The following CDH4 variants were observed in gnomAD, a reference collection of about 807,000 sequenced individuals.
The protein encoded by CDH4 is cadherin-4.
CDH4 carries 33 observed loss-of-function variants against 86.0 expected under a neutral mutation model. That is an observed-to-expected ratio of 0.38 (90% CI 0.29 to 0.51). CDH4 has a LOEUF of 0.51. Ranked by LOEUF, CDH4 falls within the 20% of genes least tolerant of loss-of-function variation. The probability of loss-of-function intolerance (pLI) is 0.86; values close to 1 mark genes in which losing one functional copy is unlikely to be tolerated. For synonymous variants in CDH4, 555 were observed against 549.4 expected, an observed-to-expected ratio of 1.01 and a Z score of -0.14; for missense variants, 1,114 against 1,307.4, an observed-to-expected ratio of 0.85 and a Z score of 2.28.
intron 2 of CDH4, among the ~76,000 whole-genome samples, chr20:61,732,990 C>T (rs1447190012): frequency 6.6e-6 from 1 of 152,142 alleles, no homozygotes; most frequent in Admixed American, 6.5e-5. Context: ...GCCTAATTCT[C>T]CCCCTCTAGA....
intron 2 of CDH4, among the ~76,000 whole-genome samples, chr20:61,293,967 A>G (rs183978131): frequency 6.6e-6 from 1 of 151,660 alleles, no homozygotes; most frequent in Admixed American, 6.6e-5. Flanking sequence ...CTGGGGGGTC[A>G]GCATGGGGGT....
rs1458579719 is a variant in CDH4 at position 61,811,293 on chromosome 20, C to T, written c.577-33375C>T. 6.6e-6 allele frequency among the ~76,000 whole-genome samples: 1 copy of T among 152,206 alleles called. No individual in the cohort carries two copies. The highest frequency in any genetic ancestry group is 6.5e-5 in the Admixed American group (1 of 15,284). On this transcript the variant is annotated intron_variant, in intron 4 of 15. Coordinates refer to ENST00000614565, the MANE Select transcript of CDH4 (RefSeq NM_001794.5). The surrounding 1 kb of genome is among the most constrained non-coding windows in gnomAD (Gnocchi z 4.4). ...GGAGCTTTTCCTGAAAGCTGGGATCCACATGCCGGCAGCCCAAGACCGCCC... is the reference window on the plus strand; with the variant it reads ...GGAGCTTTTCCTGAAAGCTGGGATCTACATGCCGGCAGCCCAAGACCGCCC...
At chr20:61,420,289 G>A (rs554553525) in intron 2 of CDH4, among the ~76,000 whole-genome samples, 10 of 152,354 alleles carry the variant, frequency 6.6e-5, no homozygotes, top group Admixed American at 3.3e-4. Flanking sequence ...GCCTGGAAAG[G>A]GCTGAAAGAA....
chr20:61,609,675 C>T (rs557944280), intron 2 of CDH4, among the ~76,000 whole-genome samples: 1 of 152,328 alleles, frequency 6.6e-6, no homozygotes, highest in Non-Finnish European at 1.5e-5. Flanking sequence ...CAGGTGGCCA[C>T]GCTTGGTCAC....
At chr20:61,508,667 G>C (rs560804130) in intron 2 of CDH4, among the ~76,000 whole-genome samples, 32 of 152,366 alleles carry the variant, frequency 2.1e-4, no homozygotes, top group African/African-American at 6.7e-4. Context: ...CTGAAGGCAG[G>C]GCTGGCCTCA....
intron 2 of CDH4, among the ~76,000 whole-genome samples, chr20:61,538,375 A>T (rs6061623): frequency 4.0e-5 from 6 of 151,838 alleles, no homozygotes; most frequent in Non-Finnish European, 7.4e-5. Context: ...CATCAAGTCA[A>T]GAGGTTTACT....
At chr20:61,541,530 G>A (rs1322846959) in intron 2 of CDH4, among the ~76,000 whole-genome samples, 1 of 152,158 alleles carries the variant, frequency 6.6e-6, no homozygotes, top group Middle Eastern at 3.2e-3. Flanking sequence ...TCTAGAATTA[G>A]CCGATGTCAC....
intron 6 of CDH4, among the ~76,000 whole-genome samples, chr20:61,856,420 C>T (rs1357822244): frequency 6.8e-6 from 1 of 146,188 alleles, no homozygotes; most frequent in Non-Finnish European, 1.5e-5. Context: ...GCGTGCCCCC[C>T]ACACTCTTCC....
chr20:61,307,287 C>T (rs887618610), intron 2 of CDH4, among the ~76,000 whole-genome samples: 1 of 152,132 alleles, frequency 6.6e-6, no homozygotes, highest in Non-Finnish European at 1.5e-5. Context: ...CTCCAACACA[C>T]ATTGCATGTA....
At chr20:61,333,293 A>T (rs11086735) in intron 2 of CDH4, among the ~76,000 whole-genome samples, 1 of 151,758 alleles carries the variant, frequency 6.6e-6, no homozygotes, top group African/African-American at 2.4e-5. Flanking sequence ...ACACATGCAC[A>T]CACACCTGCA....
chr20:61,452,607 A>G (rs79868596), intron 2 of CDH4, among the ~76,000 whole-genome samples: 8,938 of 152,210 alleles, frequency 0.059, 696 homozygotes, highest in African/African-American at 0.18. Flanking sequence ...GAGTTTTGCT[A>G]TTTATTCAGT....
intron 2 of CDH4, among the ~76,000 whole-genome samples, chr20:61,513,256 C>T (rs140623885): frequency 1.4e-4 from 21 of 152,330 alleles, no homozygotes; most frequent in African/African-American, 3.8e-4. Context: ...CTCAGGCCCA[C>T]GGGCTGTGAT....
chr20:61,525,510 G>C (rs1195213939), intron 2 of CDH4, among the ~76,000 whole-genome samples: 1 of 152,162 alleles, frequency 6.6e-6, no homozygotes, highest in Non-Finnish European at 1.5e-5. Flanking sequence ...AACCCAGGAA[G>C]TGTTGCCTTC....
At chr20:61,611,089 A>T (rs770140448) in intron 2 of CDH4, among the ~76,000 whole-genome samples, 1 of 151,942 alleles carries the variant, frequency 6.6e-6, no homozygotes, top group Non-Finnish European at 1.5e-5. Flanking sequence ...GGTGGGGTGG[A>T]GGCTGGAGAG....
chr20:61,716,843 G>T (rs1257321577), intron 2 of CDH4, among the ~76,000 whole-genome samples: 1 of 152,214 alleles, frequency 6.6e-6, no homozygotes, highest in Non-Finnish European at 1.5e-5. Context: ...GGGAGGCAGA[G>T]GTTGCAGGGA....
intron 2 of CDH4, among the ~76,000 whole-genome samples, chr20:61,310,077 G>A (rs945570781): frequency 8.5e-5 from 13 of 152,180 alleles, no homozygotes; most frequent in Non-Finnish European, 1.5e-4. Context: ...CCAGTTGGAT[G>A]GCTTAGGTCA....
intron 6 of CDH4, among the ~76,000 whole-genome samples, chr20:61,857,357 G>A (rs1983066067): frequency 6.6e-6 from 1 of 152,260 alleles, no homozygotes; most frequent in Non-Finnish European, 1.5e-5. Context: ...AGGCCCTGCT[G>A]GGTGACCCGC....
chr20:61,505,628 A>G lies in CDH4; in HGVS notation c.170-237935A>G, dbSNP rs1255266941. On this transcript the variant is annotated intron_variant, in intron 2 of 15. Coordinates refer to ENST00000614565, the MANE Select transcript of CDH4 (RefSeq NM_001794.5). The stretch of plus-strand genomic sequence containing the variant: ...AAGGTCTGTGCCAGGGCCAAGGGAC[A>G]TGGTCATGGCCGTTTTTATTCTTTC... Among the ~76,000 whole-genome samples, 2 of 143,094 alleles carry G rather than the reference A, an allele frequency of 1.4e-5. 1 individual carries two copies. Among genetic ancestry groups the G allele is most frequent in the Non-Finnish European group, 3.2e-5 (2 of 61,850 alleles). The allele number at this position is 143,094 out of a possible 152,430, so 93.9% of individuals were successfully genotyped here.
At chr20:61,390,496 G>T (rs532580081) in intron 2 of CDH4, among the ~76,000 whole-genome samples, 1 of 140,176 alleles carries the variant, frequency 7.1e-6, no homozygotes, top group East Asian at 2.1e-4. Flanking sequence ...CCATAGTGCC[G>T]TGTCTGGGAA....
Sources: allele counts gnomAD v4.1 joint callset (sites outside exome capture counted in the v4.1 genomes callset), GRCh38; gene constraint gnomAD v4.1.1; non-coding constraint Gnocchi (gnomAD v3.1); transcripts MANE v1.5; gene names NCBI Gene and HGNC (gene_info 2026-07-23, HGNC 2026-07-21).